The following GALK2 variants were observed in gnomAD, a reference collection of about 807,000 sequenced individuals.
The protein encoded by GALK2 is galactokinase 2.
Under a neutral mutation model 52.4 loss-of-function variants are expected in GALK2, and 36 were observed. The observed-to-expected ratio is 0.69, with a 90% CI of 0.53 to 0.91. The LOEUF is 0.91. Among genes scored for constraint, GALK2 ranks in the 40% least tolerant of loss-of-function variants. GALK2 has a pLI of 0.00. For synonymous variants in GALK2, 176 were observed against 199.1 expected (o/e 0.88, Z 0.98); for missense variants, 579 against 559.1 (o/e 1.04, Z -0.36).
rs747132152 is a variant in GALK2, at chr15:49,217,179, C to CT, written c.143-5dup. The CT allele has an allele frequency of 1.7e-3, 2,660 of 1,602,138 alleles. 4 individuals are homozygous for CT. The highest frequency in any genetic ancestry group is 2.0e-3 in the Non-Finnish European group (2,359 of 1,173,496). ...TTAGCAATGATTAAAAAAGCTTTCTCTTTTTTCTAGGAGAGCATATAGATT... is the reference window on the plus strand; with the variant it reads ...TTAGCAATGATTAAAAAAGCTTTCTCTTTTTTTCTAGGAGAGCATATAGATT... On this transcript the variant is annotated splice_polypyrimidine_tract_variant and intron_variant, in intron 2 of 9. Transcript: ENST00000560031.
chr15:49,169,324 C>A (rs1164391316), upstream of GALK2, among the ~76,000 whole-genome samples: 1 of 151,766 alleles, frequency 6.6e-6, no homozygotes, highest in Non-Finnish European at 1.5e-5. Flanking sequence ...GGTTTAATCT[C>A]AATATTTCTG....
intron 1 of GALK2, among the ~76,000 whole-genome samples, chr15:49,158,085 T>C (rs2084519856): frequency 6.6e-6 from 1 of 152,086 alleles, no homozygotes; most frequent in African/African-American, 2.4e-5. Flanking sequence ...GGCCCAGAAC[T>C]TAGTTTTTCA....
At chr15:49,187,800 A>G (rs745634925) in intron 1 of GALK2, among the ~76,000 whole-genome samples, 10 of 151,872 alleles carry the variant, frequency 6.6e-5, no homozygotes, top group Non-Finnish European at 1.2e-4. Flanking sequence ...CTTGTAGTAC[A>G]TGCTCCTGGG....
chr15:49,338,902 C>T (rs1038504121), intron 3 of GALK2, among the ~76,000 whole-genome samples: 2 of 152,184 alleles, frequency 1.3e-5, no homozygotes, highest in Admixed American at 1.3e-4. Flanking sequence ...GATATCCTTT[C>T]TACCGCTTGA....
intron 1 of GALK2, among the ~76,000 whole-genome samples, chr15:49,188,425 A>C (rs1162053135): frequency 6.6e-6 from 1 of 152,210 alleles, no homozygotes; most frequent in Non-Finnish European, 1.5e-5. Context: ...ATTCCAAAGC[A>C]AAGCCCCATA....
intron 5 of GALK2, among the ~76,000 whole-genome samples, chr15:49,273,538 GAA>G (rs1201499620): frequency 6.9e-6 from 1 of 145,636 alleles, no homozygotes. Flanking sequence ...CCTCCTTCTT[GAA>G]AAAAAAATAT....
At chr15:49,266,717 A>G (rs761836677) in intron 5 of GALK2, among the ~76,000 whole-genome samples, 2 of 152,176 alleles carry the variant, frequency 1.3e-5, no homozygotes, top group East Asian at 1.9e-4. Flanking sequence ...CCACTCCTGG[A>G]TCTATGAATG....
upstream of GALK2, chr15:49,170,095 G>GC: frequency 1.0e-6 from 1 of 957,682 alleles, no homozygotes; most frequent in Non-Finnish European, 1.5e-6. Flanking sequence ...CAGGACGGAG[G>GC]CTGTACCTGA....
intron 5 of GALK2, among the ~76,000 whole-genome samples, chr15:49,243,771 C>G (rs1327352182): frequency 6.6e-6 from 1 of 151,898 alleles, no homozygotes; most frequent in African/African-American, 2.4e-5. Flanking sequence ...AAAAAAGGAA[C>G]CAACGGTAAG....
At chr15:49,365,909 T>A in intron 3 of GALK2, 2 of 965,062 alleles carry the variant, frequency 2.1e-6, no homozygotes, top group East Asian at 2.4e-5. Flanking sequence ...TTGTACAGAC[T>A]CATTGCTGAT....
intron 3 of GALK2, among the ~76,000 whole-genome samples, chr15:49,357,882 A>T (rs554388302): frequency 6.6e-6 from 1 of 152,014 alleles, no homozygotes; most frequent in African/African-American, 2.4e-5. Context: ...CAAAAAGCTT[A>T]TCCACCATGA....
intron 1 of GALK2, among the ~76,000 whole-genome samples, chr15:49,163,533 T>C (rs2084722772): frequency 6.6e-6 from 1 of 152,238 alleles, no homozygotes; most frequent in South Asian, 2.1e-4. Flanking sequence ...GGAGGTTCAT[T>C]AGTTTGCATA....
chr15:49,174,605 A>G (rs2085320924), intron 1 of GALK2, among the ~76,000 whole-genome samples: 1 of 152,100 alleles, frequency 6.6e-6, no homozygotes, highest in Admixed American at 6.5e-5. Flanking sequence ...TGGTCTCCCA[A>G]AGTGCTGGGA....
chr15:49,364,812 A>C (rs2044845419), intron 3 of GALK2, among the ~76,000 whole-genome samples: 1 of 152,164 alleles, frequency 6.6e-6, no homozygotes, highest in African/African-American at 2.4e-5. Flanking sequence ...TAGAGTTGGA[A>C]GAAACATTTG....
At chr15:49,220,881 T>C (rs181250933) in intron 3 of GALK2, among the ~76,000 whole-genome samples, 51 of 152,288 alleles carry the variant, frequency 3.3e-4, no homozygotes, top group African/African-American at 1.2e-3. Flanking sequence ...TATGTATGTC[T>C]TTGGAAAAAT....
intron 7 of GALK2, among the ~76,000 whole-genome samples, chr15:49,290,711 G>A (rs1412266692): frequency 6.6e-6 from 1 of 152,166 alleles, no homozygotes; most frequent in Non-Finnish European, 1.5e-5. Context: ...TTTTTGTTTG[G>A]AAGGAACCCA....
rs1469811745 is a variant in GALK2 at position 49,188,792 on chromosome 15, A to T, written c.54-12370A>T. On this transcript the variant is annotated intron_variant, in intron 1 of 9. Transcript: ENST00000560031. ...GATTCCTGGTAGAAGACAAAATCTC[A>T]ACTAATTTAATTAAATGCTGTAATC... Among the ~76,000 whole-genome samples the T allele has an allele frequency of 2.0e-5, 3 of 152,338 alleles. No homozygotes were observed. In the East Asian group the frequency reaches 5.8e-4, roughly 29 times the overall value.
intron 5 of GALK2, among the ~76,000 whole-genome samples, chr15:49,252,176 G>C (rs535539470): frequency 6.6e-6 from 1 of 152,238 alleles, no homozygotes; most frequent in South Asian, 2.1e-4. Flanking sequence ...TGAGGCAGGA[G>C]GATTGCTTGA....
intron 8 of GALK2, among the ~76,000 whole-genome samples, chr15:49,301,613 T>A (rs1485392018): frequency 6.6e-6 from 1 of 151,516 alleles, no homozygotes; most frequent in Non-Finnish European, 1.5e-5. Flanking sequence ...AGAGAATGGG[T>A]CAGTTGGTTT....
Sources: gnomAD v4.1 joint callset for allele counts (sites outside exome capture counted in the v4.1 genomes callset) on GRCh38, gnomAD v4.1.1 for gene constraint, MANE v1.5 for transcripts, NCBI Gene and HGNC (gene_info 2026-07-23, HGNC 2026-07-21) for gene names.